LRRC38: variants seen among roughly 807,000 people sequenced by gnomAD.
The protein encoded by LRRC38 is leucine rich repeat containing 38.
LRRC38 carries 5 observed loss-of-function variants against 16.4 expected under a neutral mutation model. That is an observed-to-expected ratio of 0.31 (90% CI 0.16 to 0.64). LRRC38 has a LOEUF of 0.64. Ranked by LOEUF, LRRC38 falls within the 30% of genes least tolerant of loss-of-function variation. The probability of loss-of-function intolerance (pLI) is 0.80; values close to 1 mark genes in which losing one functional copy is unlikely to be tolerated. For synonymous variants in LRRC38, 191 were observed against 190.2 expected, an observed-to-expected ratio of 1.00 and a Z score of -0.04; for missense variants, 341 against 401.8, an observed-to-expected ratio of 0.85 and a Z score of 1.29.
At chr1:13,483,751 G>T (rs905543603) in intron 1 of LRRC38, among the ~76,000 whole-genome samples, 2 of 152,184 alleles carry the variant, frequency 1.3e-5, no homozygotes, top group African/African-American at 4.8e-5. Flanking sequence ...TGAAATAAGG[G>T]AATATCTGAA....
chr1:13,484,526 A>T lies in LRRC38; in HGVS notation c.632-8427T>A, dbSNP rs1638908245. Among the ~76,000 whole-genome samples, 3 of 152,322 alleles carry T rather than the reference A, an allele frequency of 2.0e-5. No individual in the cohort carries two copies. In the South Asian group the frequency reaches 6.2e-4, roughly 32 times the overall value. ...GTTCTGAAACCAGCTCCCCTATCAG[A>T]CAGATGGATCCCCAGAGGCCGATGG... On this transcript the variant is annotated intron_variant, in intron 1 of 1. Coordinates refer to ENST00000376085, the MANE Select transcript of LRRC38 (RefSeq NM_001010847.2).
intron 1 of LRRC38, among the ~76,000 whole-genome samples, chr1:13,497,769 C>T (rs1639097047): frequency 6.6e-6 from 1 of 151,876 alleles, no homozygotes; most frequent in Non-Finnish European, 1.5e-5. Flanking sequence ...TGAGACCAGC[C>T]TGACCAACAT....
intron 1 of LRRC38, among the ~76,000 whole-genome samples, chr1:13,495,449 C>T (rs1053551261): frequency 4.6e-5 from 7 of 150,700 alleles, no homozygotes; most frequent in South Asian, 4.2e-4. Flanking sequence ...TTAAGGGCTC[C>T]GTCTATTTAG....
chr1:13,497,126 A>G (rs1344007265), intron 1 of LRRC38, among the ~76,000 whole-genome samples: 1 of 152,190 alleles, frequency 6.6e-6, no homozygotes, highest in African/African-American at 2.4e-5. Context: ...GACAGATCAC[A>G]GGAGGCCTTG....
chr1:13,478,057 G>C (rs972232654), intron 1 of LRRC38, among the ~76,000 whole-genome samples: 1 of 152,174 alleles, frequency 6.6e-6, no homozygotes, highest in African/African-American at 2.4e-5. Flanking sequence ...GTACAGAGCT[G>C]CTAAAGACTG....
intron 1 of LRRC38, 122 bp downstream of exon 1, chr1:13,512,841 C>T: frequency 9.4e-7 from 1 of 1,068,548 alleles, no homozygotes; most frequent in Non-Finnish European, 1.3e-6. Context: ...AGGAAAAGTT[C>T]AGGATCCCCC....
Position 13,484,546 on chromosome 1 carries a change from C to T in LRRC38, c.632-8447G>A, listed in dbSNP as rs182636793. On this transcript the variant is annotated intron_variant, in intron 1 of 1. Coordinates refer to ENST00000376085, the MANE Select transcript of LRRC38 (RefSeq NM_001010847.2). ...ATCAGACAGATGGATCCCCAGAGGC[C>T]GATGGTGCTGGACCGGCACAGGCCC... Among the ~76,000 whole-genome samples, 33 of 152,270 alleles carry T rather than the reference C, an allele frequency of 2.2e-4. No homozygotes were observed. In the East Asian group the frequency reaches 6.0e-3, roughly 28 times the overall value.
In LRRC38 at chr1:13,513,795, A is replaced by AGGGGAGGGGCGGGG. The variant is rs1639307106; in HGVS notation, c.-216_-203dup. ...GGGAGCCGGGACAGCAGGGATGGAG[A>AGGGGAGGGGCGGGG]GGGGAGGGGCGGGGAGGGAGGGGCG... On this transcript the variant is annotated 5_prime_UTR_variant, in exon 1 of 2. Transcript: ENST00000376085. 1 of 15,842 alleles carries AGGGGAGGGGCGGGG rather than the reference A, an allele frequency of 6.3e-5. No homozygotes were observed. Among genetic ancestry groups the AGGGGAGGGGCGGGG allele is most frequent in the African/African-American group, 2.4e-4 (1 of 4,182 alleles). 1.0% of individuals were successfully genotyped at this position (15,842 alleles called of 1,614,324 possible).
At chr1:13,501,207 T>C (rs1639144636) in intron 1 of LRRC38, among the ~76,000 whole-genome samples, 1 of 151,884 alleles carries the variant, frequency 6.6e-6, no homozygotes, top group African/African-American at 2.4e-5. Context: ...GGCATGCTAA[T>C]ATATATGAAT....
intron 1 of LRRC38, among the ~76,000 whole-genome samples, chr1:13,477,243 G>A (rs942058712): frequency 6.6e-6 from 1 of 152,324 alleles, no homozygotes; most frequent in Non-Finnish European, 1.5e-5. Flanking sequence ...ATTCTAGTGC[G>A]AGAATATAGA....
chr1:13,494,567 C>G (rs1639059110), intron 1 of LRRC38, among the ~76,000 whole-genome samples: 1 of 152,182 alleles, frequency 6.6e-6, no homozygotes, highest in African/African-American at 2.4e-5. Context: ...CAGGCTCACA[C>G]AGCTGGTAAA....
intron 1 of LRRC38, among the ~76,000 whole-genome samples, chr1:13,511,873 G>A (rs1639277618): frequency 6.6e-6 from 1 of 152,172 alleles, no homozygotes; most frequent in African/African-American, 2.4e-5. Flanking sequence ...GGGTGTGTTT[G>A]ATGACAGTTG....
chr1:13,482,237 G>T lies in LRRC38; in HGVS notation c.632-6138C>A, dbSNP rs1042052999. Among the ~76,000 whole-genome samples the T allele has an allele frequency of 1.3e-5, 2 of 152,156 alleles. 1 individual carries two copies. The highest frequency in any genetic ancestry group is 4.8e-5 in the African/African-American group (2 of 41,498). On this transcript the variant is annotated intron_variant, in intron 1 of 1. Transcript: ENST00000376085. ...GCCTCTTGGAGCTTAGGTCTTACAG[G>T]AGAGGCATAGGGACACAGGCACAAA... is the stretch of plus-strand genomic sequence containing the variant.
rs1272488188 is a variant in LRRC38, at chr1:13,513,488, C to T, written c.106G>A (p.Asp36Asn). ...TCGCGGCAGTCCACGGTGTGCGGGT[C>T]GGTGCAGGCGCAGCCCGCGGGGCAC... ...HACPAGCACT[D>N]PHTVDCRDRG... The change falls in exon 1 of 2, where the codon GAC becomes AAC. Residue 36 changes from aspartate (D) to asparagine (N), a missense_variant. Physicochemically the swap from Asp to Asn is conservative, Grantham distance 23 (BLOSUM62 1). Transcript: ENST00000376085. The T allele has an allele frequency of 2.0e-6, 3 of 1,527,290 alleles. No individual in the cohort carries two copies. The East Asian group carries it at 7.4e-5, about 38-fold the overall frequency. The allele number at this position is 1,527,290 out of a possible 1,614,324, so 94.6% of individuals were successfully genotyped here.
intron 1 of LRRC38, among the ~76,000 whole-genome samples, chr1:13,506,288 C>T (rs1159548076): frequency 6.6e-6 from 1 of 152,038 alleles, no homozygotes; most frequent in African/African-American, 2.4e-5. Context: ...CATGGACCTG[C>T]GGCATCACAG....
intron 1 of LRRC38, among the ~76,000 whole-genome samples, chr1:13,480,424 C>T (rs375887795): frequency 2.5e-4 from 38 of 152,346 alleles, no homozygotes; most frequent in African/African-American, 8.7e-4. Context: ...TTGAGGATCA[C>T]TGCTTTAGAG....
At chr1:13,490,154 T>C (rs1249826955) in intron 1 of LRRC38, among the ~76,000 whole-genome samples, 1 of 152,050 alleles carries the variant, frequency 6.6e-6, no homozygotes, top group Non-Finnish European at 1.5e-5. Flanking sequence ...AGTGTTTTTT[T>C]TGTTTTTTGT....
intron 1 of LRRC38, among the ~76,000 whole-genome samples, chr1:13,491,051 G>A (rs1639005955): frequency 2.0e-5 from 3 of 152,330 alleles, no homozygotes; most frequent in Middle Eastern, 3.4e-3. Context: ...ACCATTTAAC[G>A]TAACCCTCTT....
rs12730444 is a variant in LRRC38 at position 13,481,762 on chromosome 1, C to T, written c.632-5663G>A. Among the ~76,000 whole-genome samples the T allele has an allele frequency of 4.9e-3, 248 of 50,750 alleles. 1 individual carries two copies. Among genetic ancestry groups the T allele is most frequent in the African/African-American group, 0.042 (142 of 3,398 alleles). 33.3% of individuals were successfully genotyped at this position (50,750 alleles called of 152,430 possible). A position where few individuals can be genotyped will look rare whatever the true frequency, so the allele number is the denominator to read the frequency against. ...CTGTCTCTGCCTCTCACTTTCTTTC[C>T]CTCTCTCTCCCTCTCTCCCTCTCTC... On this transcript the variant is annotated intron_variant, in intron 1 of 1. Transcript: ENST00000376085.
Sources: gnomAD v4.1 joint callset for allele counts (sites outside exome capture counted in the v4.1 genomes callset) on GRCh38, gnomAD v4.1.1 for gene constraint, MANE v1.5 for transcripts, NCBI Gene and HGNC (gene_info 2026-07-23, HGNC 2026-07-21) for gene names.